The following FAM50B variants were observed in gnomAD, a reference collection of about 807,000 sequenced individuals.
FAM50B encodes the protein protein FAM50B.
A neutral mutation model predicts 25.4 loss-of-function variants in FAM50B; 9 were observed. The observed-to-expected ratio is 0.35, with a 90% confidence interval of 0.21 to 0.62. The LOEUF is 0.62. Among genes scored for constraint, FAM50B ranks in the 20% least tolerant of loss-of-function variants. The pLI is 0.73. For synonymous variants in FAM50B, 212 were observed against 204.3 expected, an observed-to-expected ratio of 1.04 and a Z score of -0.32; for missense variants, 372 against 477.9, an observed-to-expected ratio of 0.78 and a Z score of 2.07.
At chr6:3,838,279 C>A in the FAM50B span, among the ~76,000 whole-genome samples, 5 of 151,578 alleles carry the variant, frequency 3.3e-5, no homozygotes, top group Non-Finnish European at 2.9e-5. Flanking sequence ...CCACTGCACT[C>A]CAGCCTGGGC....
the FAM50B span, among the ~76,000 whole-genome samples, chr6:3,835,878 G>A: frequency 1.3e-5 from 2 of 152,176 alleles, no homozygotes; most frequent in African/African-American, 4.8e-5. Flanking sequence ...TGCATGCCAT[G>A]TCTTTGGGTG....
At chr6:3,842,567 T>C in the FAM50B span, among the ~76,000 whole-genome samples, 1 of 152,164 alleles carries the variant, frequency 6.6e-6, no homozygotes, top group East Asian at 1.9e-4. Context: ...GCCCCTCTTT[T>C]CCCTGGTAAA....
At chr6:3,846,139 G>A (rs1277047045), upstream of FAM50B, among the ~76,000 whole-genome samples, 1 of 152,168 alleles carries the variant, frequency 6.6e-6, no homozygotes, top group African/African-American at 2.4e-5. Context: ...TACAAGGGAA[G>A]TTGGAGTTTT....
chr6:3,840,124 T>C, the FAM50B span, among the ~76,000 whole-genome samples: 6 of 152,142 alleles, frequency 3.9e-5, no homozygotes, highest in South Asian at 2.1e-4. Context: ...TCCTGAGTAG[T>C]TGGGACTACA....
In FAM50B at chr6:3,850,998, G is replaced by A; in HGVS notation, c.*209G>A. ...TCTGAGTATTTTAGTGTTGCCACCTGGATTTGCTGCATTGCTCTGCTGAGC... is the reference window on the plus strand; with the variant it reads ...TCTGAGTATTTTAGTGTTGCCACCTAGATTTGCTGCATTGCTCTGCTGAGC... On this transcript the variant is annotated 3_prime_UTR_variant, in exon 2 of 2. Coordinates refer to ENST00000648326, the MANE Select transcript of FAM50B (RefSeq NM_012135.3). 1.3e-6 allele frequency: 1 copy of A among 748,564 alleles called. No homozygotes were observed. The highest frequency in any genetic ancestry group is 2.1e-6 in the Non-Finnish European group (1 of 466,758). 46.4% of individuals were successfully genotyped at this position (748,564 alleles called of 1,614,324 possible).
the FAM50B span, among the ~76,000 whole-genome samples, chr6:3,837,008 G>C: frequency 6.6e-6 from 1 of 152,206 alleles, no homozygotes. Context: ...GTCACTTAAA[G>C]AATGTTAGAG....
the FAM50B span, among the ~76,000 whole-genome samples, chr6:3,838,591 C>A: frequency 6.6e-6 from 1 of 151,324 alleles, no homozygotes; most frequent in African/African-American, 2.4e-5. Context: ...CACCTGTAAT[C>A]CGAGCACTTT....
At chr6:3,842,825 TAAAAAATACTTTTCATCA>T in the FAM50B span, among the ~76,000 whole-genome samples, 1 of 152,232 alleles carries the variant, frequency 6.6e-6, no homozygotes, top group Admixed American at 6.5e-5. Context: ...TGTACGTTTC[TAAAAAATACTTTTCATCA>T]AGTGAAGGAC....
At chr6:3,845,227 CT>C (rs1220018394), upstream of FAM50B, among the ~76,000 whole-genome samples, 1 of 152,112 alleles carries the variant, frequency 6.6e-6, no homozygotes, top group Non-Finnish European at 1.5e-5. Flanking sequence ...GATAAATCTC[CT>C]TCTTTCTAGT....
chr6:3,848,795 G>A (rs1762154494), upstream of FAM50B, among the ~76,000 whole-genome samples: 6 of 152,146 alleles, frequency 3.9e-5, no homozygotes, highest in South Asian at 1.0e-3. Context: ...CTTAGAACCC[G>A]GGGGAAACTG....
At chr6:3,834,530 A>G in the FAM50B span, among the ~76,000 whole-genome samples, 1 of 152,024 alleles carries the variant, frequency 6.6e-6, no homozygotes, top group Non-Finnish European at 1.5e-5. Context: ...AAAAGATTTG[A>G]TCATACAATT....
the FAM50B span, among the ~76,000 whole-genome samples, chr6:3,839,617 A>G: frequency 6.6e-6 from 1 of 152,230 alleles, no homozygotes; most frequent in Non-Finnish European, 1.5e-5. Flanking sequence ...TACCAAAAAC[A>G]TTGCTATTTT....
chr6:3,850,773 A>G lies in FAM50B; in HGVS notation c.962A>G (p.Lys321Arg). Residue 321 changes from lysine (K) to arginine (R), a missense_variant, in exon 2 of 2, where the codon AAG (lysine) becomes AGG (arginine). By Grantham distance (26) the Lys-to-Arg change is conservative. Coordinates refer to ENST00000648326, the MANE Select transcript of FAM50B (RefSeq NM_012135.3). ...TATGACCCCGAGAAGAAGTGGGACA[A>G]GTACACCATCCGCTAACACCCGCCT... ...EAYDPEKKWD[K>R]YTIR is the part of the protein sequence containing the mutation. 1 of 1,613,746 alleles carries G rather than the reference A, an allele frequency of 6.2e-7. No individual in the cohort carries two copies.
chr6:3,844,387 T>C (rs1219614623), upstream of FAM50B, among the ~76,000 whole-genome samples: 1 of 152,232 alleles, frequency 6.6e-6, no homozygotes, highest in Admixed American at 6.5e-5. Context: ...ACCACATTTA[T>C]TTAAATCAAT....
At chr6:3,832,433 G>C in the FAM50B span, among the ~76,000 whole-genome samples, 7 of 152,336 alleles carry the variant, frequency 4.6e-5, no homozygotes, top group African/African-American at 1.7e-4. Context: ...TCCAGCCACT[G>C]CTACAGTGAA....
the FAM50B span, among the ~76,000 whole-genome samples, chr6:3,833,412 T>A: frequency 2.6e-5 from 4 of 152,216 alleles, no homozygotes; most frequent in Non-Finnish European, 5.9e-5. Context: ...AGTGTTCTTG[T>A]ATCAACCAGG....
At chr6:3,835,548 G>A in the FAM50B span, among the ~76,000 whole-genome samples, 3 of 152,192 alleles carry the variant, frequency 2.0e-5, no homozygotes, top group East Asian at 1.9e-4. Context: ...TTCCACCCCC[G>A]CCACAAGAAA....
At chr6:3,847,593 T>C (rs1762137561), upstream of FAM50B, among the ~76,000 whole-genome samples, 1 of 152,276 alleles carries the variant, frequency 6.6e-6, no homozygotes, top group Non-Finnish European at 1.5e-5. Context: ...TAGAACTTTC[T>C]CCATATAAGC....
upstream of FAM50B, among the ~76,000 whole-genome samples, chr6:3,848,175 G>A (rs1323499673): frequency 2.0e-5 from 3 of 152,248 alleles, no homozygotes; most frequent in African/African-American, 7.2e-5. Flanking sequence ...GTAGGCGCTT[G>A]ACGCTGTGTT....
Sources: gnomAD v4.1 joint callset for allele counts (sites outside exome capture counted in the v4.1 genomes callset) on GRCh38, gnomAD v4.1.1 for gene constraint, MANE v1.5 for transcripts, NCBI Gene and HGNC (gene_info 2026-07-23, HGNC 2026-07-21) for gene names.